Variants in RNF213 observed in about 807,000 individuals in gnomAD.
RNF213 encodes the protein ring finger protein 213, also known as E3 ubiquitin-protein ligase RNF213.
A neutral mutation model predicts 514.4 loss-of-function variants in RNF213; 341 were observed. That is an observed-to-expected ratio of 0.66 (90% CI 0.61 to 0.73). RNF213 has a LOEUF of 0.73. Among genes scored for constraint, RNF213 ranks in the 30% least tolerant of loss-of-function variants. The pLI, the probability that RNF213 is intolerant of heterozygous loss-of-function variation, is 0.00. For missense variants in RNF213, 5,767 were observed against 6,615.6 expected (o/e 0.87, Z 4.45); for synonymous variants, 2,655 against 2,658.2 (o/e 1.00, Z 0.04).
chr17:80,311,884 T>A (rs1479433470), intron 14 of RNF213, among the ~76,000 whole-genome samples: 2 of 152,164 alleles, frequency 1.3e-5, no homozygotes, highest in South Asian at 4.1e-4. Context: ...CCCAGCACTT[T>A]GGAAGGCCAA....
chr17:80,314,411 G>C (rs111219190), intron 15 of RNF213, among the ~76,000 whole-genome samples: 4 of 1,358 alleles, frequency 2.9e-3, no homozygotes, highest in Admixed American at 2.8e-3. Context: ...TGGTGGTGGT[G>C]GTGGTGGTGG....
chr17:80,345,470 C>G lies in RNF213; in HGVS notation c.7135C>G (p.Leu2379Val). 1 of 1,611,222 alleles carries G rather than the reference C, an allele frequency of 6.2e-7. No homozygotes were observed. The highest frequency in any genetic ancestry group is 8.5e-7 in the Non-Finnish European group (1 of 1,177,972). ...PRHKKLERLC[L>V]TLGIPQATDP... ...ACACAAGAAACTTGAGAGGCTCTGCCTGACCTTAGGGATCCCCCAGGCCAC... is the reference window on the plus strand; with the variant it reads ...ACACAAGAAACTTGAGAGGCTCTGCGTGACCTTAGGGATCCCCCAGGCCAC... Residue 2379 changes from leucine to valine, a missense_variant, in exon 29 of 68, where the codon CTG (leucine) becomes GTG (valine). Leu to Val is a conservative substitution (Grantham distance 32). Transcript: ENST00000582970. The surrounding 1 kb of genome is among the most constrained non-coding windows in gnomAD (Gnocchi z 6.0).
At chr17:80,330,344 C>A (rs1446717499) in intron 20 of RNF213, among the ~76,000 whole-genome samples, 1 of 152,148 alleles carries the variant, frequency 6.6e-6, no homozygotes, top group Non-Finnish European at 1.5e-5. Flanking sequence ...AAGAGAAAGC[C>A]CTCACAAGTG....
intron 18 of RNF213, 148 bp downstream of exon 18, chr17:80,325,346 C>T: frequency 1.3e-6 from 1 of 758,372 alleles, no homozygotes; most frequent in Non-Finnish European, 2.0e-6. Context: ...ACAGAGAGAC[C>T]CTGGAAGGCT....
intron 7 of RNF213, among the ~76,000 whole-genome samples, 171 bp from the exon 8 acceptor site, chr17:80,291,457 A>C (rs2044725975): frequency 6.6e-6 from 1 of 152,048 alleles, no homozygotes; most frequent in Non-Finnish European, 1.5e-5. Flanking sequence ...TCCTGGACTC[A>C]AGAAGTCCTC....
At chr17:80,313,784 G>T (rs2045681331) in intron 15 of RNF213, among the ~76,000 whole-genome samples, 1 of 140,304 alleles carries the variant, frequency 7.1e-6, no homozygotes, top group African/African-American at 2.6e-5. Flanking sequence ...AGGTGATGGT[G>T]GTGGTGAAGG....
At chr17:80,312,954 G>A (rs111671408) in intron 14 of RNF213, 58 bp from the exon 15 acceptor site, 194 of 1,604,210 alleles carry the variant, frequency 1.2e-4, no homozygotes, top group African/African-American at 9.5e-4. Context: ...GCAGCATCTC[G>A]CCGGGAACCT....
Position 80,288,254 on chromosome 17 carries a change from C to T in RNF213, c.701C>T (p.Thr234Ile). The T allele has an allele frequency of 6.2e-7, 1 of 1,613,336 alleles. No homozygotes were observed. The highest frequency in any genetic ancestry group is 8.5e-7 in the Non-Finnish European group (1 of 1,180,034). ...PTSAGEGHSR[T>I]EDAAQELLLP... ...TCTGCTGGTGAAGGCCATTCTAGGA[C>T]TGAAGATGCTGCCCAGGAGCTCCTG... Residue 234 changes from threonine to isoleucine, a missense_variant, in exon 4 of 68, where the codon ACT becomes ATT. By Grantham distance (89) the Thr-to-Ile change is moderately conservative. Around this residue, in one of 13 missense-constraint regions of RNF213, gnomAD observed 509 missense variants for 496.7 expected, o/e 1.02. Transcript: ENST00000582970. The surrounding 1 kb of genome is among the most constrained non-coding windows in gnomAD (Gnocchi z 4.9).
chr17:80,374,443 A>ATACAG lies in RNF213; in HGVS notation c.12943-15_12943-14insTACAG, dbSNP rs2079659267. On this transcript the variant is annotated splice_polypyrimidine_tract_variant and intron_variant, in intron 49 of 67. Transcript: ENST00000582970. ...TCCTCCCATTGTTCACCCCCAACTA[A>ATACAG]CCTCTGTATTCCAGGGGCTGCGGCA... 6.2e-7 allele frequency: 1 copy of ATACAG among 1,613,702 alleles called. No individual in the cohort carries two copies. Among genetic ancestry groups the ATACAG allele is most frequent in the Admixed American group, 1.7e-5 (1 of 59,974 alleles).
At chr17:80,359,114 G>A (rs8072622) in intron 37 of RNF213, among the ~76,000 whole-genome samples, 26 of 151,822 alleles carry the variant, frequency 1.7e-4, no homozygotes, top group Non-Finnish European at 3.5e-4. Flanking sequence ...CTGGTGGAGC[G>A]GCACAGCCCC....
chr17:80,367,221 TA>T (rs1281425507), intron 42 of RNF213, among the ~76,000 whole-genome samples: 1 of 152,206 alleles, frequency 6.6e-6, no homozygotes, highest in African/African-American at 2.4e-5. Flanking sequence ...CAGATATGCT[TA>T]CAGCTATCCT....
At chr17:80,289,592 G>GGA in intron 5 of RNF213, 67 bp from the exon 6 acceptor site, 1 of 1,308,426 alleles carries the variant, frequency 7.6e-7, no homozygotes, top group African/African-American at 1.7e-5. Flanking sequence ...CTCTGTCTCA[G>GGA]AAAAAAAAAA....
chr17:80,307,904 A>G (rs2045428453), intron 13 of RNF213, among the ~76,000 whole-genome samples: 1 of 149,542 alleles, frequency 6.7e-6, no homozygotes, highest in African/African-American at 2.5e-5. Context: ...ATCAGCTGCT[A>G]AGATTTGGGT....
At chr17:80,293,252 T>A (rs1181458061) in intron 8 of RNF213, among the ~76,000 whole-genome samples, 1 of 151,720 alleles carries the variant, frequency 6.6e-6, no homozygotes, top group Non-Finnish European at 1.5e-5. Flanking sequence ...TTGGAGAGAC[T>A]GGTCTTGCTG....
At chr17:80,290,775 G>A (rs1209074770) in intron 7 of RNF213, 47 bp downstream of exon 7, 2 of 1,609,574 alleles carry the variant, frequency 1.2e-6, no homozygotes, top group African/African-American at 2.7e-5. Context: ...GGAAGGCATA[G>A]GATGCCCAGC....
chr17:80,299,657 A>G (rs541990118), intron 11 of RNF213, among the ~76,000 whole-genome samples: 26 of 151,928 alleles, frequency 1.7e-4, no homozygotes, highest in Non-Finnish European at 3.1e-4. Flanking sequence ...TTATTTCATC[A>G]TCCAAATATT....
Position 80,317,063 on chromosome 17 carries a change from G to T in RNF213, c.2812-125G>T. 2 of 1,020,610 alleles carry T rather than the reference G, an allele frequency of 2.0e-6. No individual in the cohort carries two copies. The highest frequency in any genetic ancestry group is 2.7e-5 in the South Asian group (2 of 73,048). 63.2% of individuals were successfully genotyped at this position (1,020,610 alleles called of 1,614,324 possible). ...TGACTGTTGATGAAGGTTGGGGAGA[G>T]CCCTGGTGTTCGCGGAGTCCCGCGC... is the stretch of plus-strand genomic sequence containing the variant. On this transcript the variant is annotated intron_variant, in intron 15 of 67. Transcript: ENST00000582970. This position sits in a 1 kb window ranked among gnomAD's most constrained non-coding sequence, Gnocchi z 4.1.
chr17:80,292,382 A>G (rs907663605), intron 8 of RNF213, among the ~76,000 whole-genome samples: 1 of 152,132 alleles, frequency 6.6e-6, no homozygotes, highest in Non-Finnish European at 1.5e-5. Flanking sequence ...AGGATTTTTA[A>G]TTAAGGGAAA....
intron 26 of RNF213, 106 bp downstream of exon 26, chr17:80,340,462 C>T (rs2078120568): frequency 1.8e-6 from 2 of 1,125,092 alleles, no homozygotes; most frequent in Admixed American, 2.1e-5. Context: ...AACCGAGGCT[C>T]AGGGAGGGTG....
Sources: allele counts gnomAD v4.1 joint callset (sites outside exome capture counted in the v4.1 genomes callset), GRCh38; gene constraint gnomAD v4.1.1; regional missense constraint gnomAD v4.1.1; non-coding constraint Gnocchi (gnomAD v3.1); transcripts MANE v1.5; gene names NCBI Gene and HGNC (gene_info 2026-07-23, HGNC 2026-07-21).